Variants in PXDNL observed in about 807,000 individuals in gnomAD.
PXDNL encodes the protein peroxidasin like.
In PXDNL, 145 loss-of-function variants were observed where a neutral mutation model predicts 150.8. The observed-to-expected ratio is 0.96, with a 90% CI of 0.84 to 1.10. The LOEUF (loss-of-function observed/expected upper bound fraction) is 1.10, where lower values mean the gene tolerates loss of function less well. PXDNL is among the 50% of genes least tolerant of loss of function. The pLI is 0.00. For missense variants in PXDNL, 2,087 were observed against 1,873.9 expected (o/e 1.11, Z -2.10); for synonymous variants, 757 against 725.7 (o/e 1.04, Z -0.69).
At position 51,638,341 on chromosome 8, in the gene PXDNL, C is replaced by A. The variant is rs546792829; in HGVS notation, c.236+16348G>T. Among the ~76,000 whole-genome samples, 291 of 152,318 alleles carry A rather than the reference C, an allele frequency of 1.9e-3. 2 individuals are homozygous for A. The highest frequency in any genetic ancestry group is 3.4e-3 in the Middle Eastern group (1 of 294). On this transcript the variant is annotated intron_variant, in intron 2 of 22. Coordinates refer to ENST00000356297, the MANE Select transcript of PXDNL (RefSeq NM_144651.5). Reference sequence around the variant, plus strand: ...CATCATAATGACAGGATCAAATTCACACATAACAATATTAACCTTCAATGT... The same window carrying A: ...CATCATAATGACAGGATCAAATTCAAACATAACAATATTAACCTTCAATGT...
In PXDNL at chr8:51,319,765, T is replaced by C. The variant is rs1444946103; in HGVS notation, c.*126A>G. The C allele has an allele frequency of 5.7e-6, 4 of 705,552 alleles. No individual in the cohort carries two copies. Among genetic ancestry groups the C allele is most frequent in the African/African-American group, 1.8e-5 (1 of 54,260 alleles). 43.7% of individuals were successfully genotyped at this position (705,552 alleles called of 1,614,324 possible). On this transcript the variant is annotated 3_prime_UTR_variant, in exon 23 of 23. Transcript: ENST00000356297. ...GATCGTAAGTATATGTAAGATTAGA[T>C]GAACTAAGTTGCTTAAGTCAGTGGT...
intron 1 of PXDNL, among the ~76,000 whole-genome samples, chr8:51,687,349 C>T (rs1815898566): frequency 6.6e-6 from 1 of 152,016 alleles, no homozygotes; most frequent in Admixed American, 6.6e-5. Context: ...TGAAAAATAA[C>T]AAGATATGGT....
At chr8:51,425,625 G>T (rs562199996) in intron 13 of PXDNL, among the ~76,000 whole-genome samples, 1 of 152,004 alleles carries the variant, frequency 6.6e-6, no homozygotes, top group Non-Finnish European at 1.5e-5. Context: ...TGAGGTCAGG[G>T]GATCGAGACC....
intron 1 of PXDNL, among the ~76,000 whole-genome samples, chr8:51,759,398 G>A (rs943728133): frequency 5.3e-5 from 8 of 152,018 alleles, no homozygotes; most frequent in African/African-American, 9.7e-5. Flanking sequence ...ACTGCACTCC[G>A]CTTCCTGCAT....
At chr8:51,759,581 C>G (rs2037139598) in intron 1 of PXDNL, among the ~76,000 whole-genome samples, 1 of 152,240 alleles carries the variant, frequency 6.6e-6, no homozygotes. Context: ...GAATCCTCCT[C>G]AGGCAAGAAT....
Position 51,587,932 on chromosome 8 carries a change from G to A in PXDNL, c.308+4695C>T, listed in dbSNP as rs187508455. Among the ~76,000 whole-genome samples the A allele has an allele frequency of 6.6e-5, 10 of 152,158 alleles. No individual in the cohort carries two copies. In the East Asian group the frequency reaches 1.7e-3, roughly 26 times the overall value. ...CTCACAGAATCCAGTGGGGAAATCA[G>A]AAAATAAATAATTTAACAAATAGAT... On this transcript the variant is annotated intron_variant, in intron 3 of 22. Transcript: ENST00000356297.
At chr8:51,608,608 C>T (rs1435223545) in intron 2 of PXDNL, among the ~76,000 whole-genome samples, 43 of 147,020 alleles carry the variant, frequency 2.9e-4, no homozygotes, top group African/African-American at 9.4e-4. Flanking sequence ...GAGGCCAAGG[C>T]GGGCAGATCA....
At chr8:51,382,729 T>C (rs2130815271) in intron 17 of PXDNL, among the ~76,000 whole-genome samples, 1 of 152,248 alleles carries the variant, frequency 6.6e-6, no homozygotes, top group Middle Eastern at 3.4e-3. Context: ...CTCTGAATGG[T>C]TAGAATTAAA....
chr8:51,592,898 A>G (rs943667327), intron 2 of PXDNL, among the ~76,000 whole-genome samples, 200 bp from the exon 3 acceptor site: 1 of 152,214 alleles, frequency 6.6e-6, no homozygotes, highest in African/African-American at 2.4e-5. Context: ...ACTTTAAAAT[A>G]ATTTATATTC....
intron 1 of PXDNL, among the ~76,000 whole-genome samples, chr8:51,774,869 T>C (rs1037459311): frequency 2.0e-5 from 3 of 152,164 alleles, no homozygotes; most frequent in Non-Finnish European, 4.4e-5. Context: ...TGTTGTTTTA[T>C]AAAGTTTACA....
intron 7 of PXDNL, among the ~76,000 whole-genome samples, chr8:51,472,775 G>A (rs189005345): frequency 6.6e-6 from 1 of 152,106 alleles, no homozygotes; most frequent in Non-Finnish European, 1.5e-5. Context: ...CTATATAAAT[G>A]AATGATTCCA....
At chr8:51,786,076 C>T (rs898232763) in intron 1 of PXDNL, among the ~76,000 whole-genome samples, 11 of 152,300 alleles carry the variant, frequency 7.2e-5, no homozygotes, top group African/African-American at 2.6e-4. Context: ...ACCAATTAAA[C>T]AACTATCTAC....
At position 51,408,785 on chromosome 8, in the gene PXDNL, G is replaced by T. The variant is rs1808520639; in HGVS notation, c.2839C>A (p.Gln947Lys). The change falls in exon 17 of 23, where the codon CAG (glutamine) becomes AAG (lysine). Residue 947 changes from glutamine to lysine, a missense_variant. Gln to Lys is a moderately conservative substitution (Grantham distance 53). Transcript: ENST00000356297. Reference protein sequence around the residue: ...STGPPTECARQEQESPCFLAG... With the variant: ...STGPPTECARKEQESPCFLAG... ...AGGAAACAGGGGCTCTCCTGCTCCTGTCGCGCGCACTCGGTGGGTGGGCCT... is the reference window on the plus strand; with the variant it reads ...AGGAAACAGGGGCTCTCCTGCTCCTTTCGCGCGCACTCGGTGGGTGGGCCT... 1 of 1,575,964 alleles carries T rather than the reference G, an allele frequency of 6.3e-7. No homozygotes were observed. The highest frequency in any genetic ancestry group is 2.3e-5 in the East Asian group (1 of 44,366).
At chr8:51,499,652 G>T in intron 5 of PXDNL, 47 bp downstream of exon 5, 1 of 1,453,584 alleles carries the variant, frequency 6.9e-7, no homozygotes, top group South Asian at 1.1e-5. Flanking sequence ...TGTATAAATG[G>T]AAAATGTAAA....
chr8:51,378,217 T>A (rs532447398), intron 17 of PXDNL, among the ~76,000 whole-genome samples: 1 of 152,044 alleles, frequency 6.6e-6, no homozygotes, highest in East Asian at 1.9e-4. Context: ...GCACTCTGTA[T>A]CTAGCTAATC....
intron 4 of PXDNL, among the ~76,000 whole-genome samples, chr8:51,513,777 C>T (rs1258195914): frequency 6.6e-6 from 1 of 152,160 alleles, no homozygotes; most frequent in African/African-American, 2.4e-5. Flanking sequence ...TTTAAGTTTG[C>T]TCCACAAGAG....
At chr8:51,548,717 G>A (rs1411157273) in intron 4 of PXDNL, among the ~76,000 whole-genome samples, 2 of 151,926 alleles carry the variant, frequency 1.3e-5, no homozygotes, top group African/African-American at 2.4e-5. Context: ...CACCAAAATA[G>A]AACCTCTGTA....
intron 1 of PXDNL, among the ~76,000 whole-genome samples, chr8:51,676,991 G>A (rs1012438198): frequency 6.6e-6 from 1 of 152,228 alleles, no homozygotes; most frequent in Non-Finnish European, 1.5e-5. Context: ...AGAGAGCACA[G>A]AGGCTTATCC....
intron 21 of PXDNL, among the ~76,000 whole-genome samples, chr8:51,332,724 T>C (rs1805726068): frequency 6.6e-6 from 1 of 152,004 alleles, no homozygotes; most frequent in African/African-American, 2.4e-5. Context: ...ATTGAACAAG[T>C]AGAAGAAAGA....
Sources: gnomAD v4.1 joint callset for allele counts (sites outside exome capture counted in the v4.1 genomes callset) on GRCh38, gnomAD v4.1.1 for gene constraint, MANE v1.5 for transcripts, NCBI Gene and HGNC (gene_info 2026-07-23, HGNC 2026-07-21) for gene names.